Variants in SHROOM2 observed in about 807,000 individuals in gnomAD.
SHROOM2 encodes protein Shroom2.
A neutral mutation model predicts 75.9 loss-of-function variants in SHROOM2; 33 were observed. The observed-to-expected ratio is 0.43, with a 90% CI of 0.33 to 0.58. The LOEUF is 0.58. Ranked by LOEUF, SHROOM2 falls within the 20% of genes least tolerant of loss-of-function variation. The pLI, the probability that SHROOM2 is intolerant of heterozygous loss-of-function variation, is 0.04. For missense variants in SHROOM2, 1,434 were observed against 1,461.2 expected (o/e 0.98, Z 0.30); for synonymous variants, 655 against 663.6 (o/e 0.99, Z 0.20).
chrX:9,894,727 C>T lies in SHROOM2; in HGVS notation c.819C>T (p.Pro273=), dbSNP rs773462493. Residue 273 remains proline, a synonymous_variant, in exon 4 of 10, where the codon CCC becomes CCT. Coordinates refer to ENST00000380913, the MANE Select transcript of SHROOM2 (RefSeq NM_001649.4). ...EKLSCFPPRV[P]GDSGKGPRPE... Reference sequence around the variant, plus strand: ...TCAGTTGTTTCCCGCCCAGGGTCCCCGGTGACAGCGGCAAAGGCCCCAGGC... The same window carrying T: ...TCAGTTGTTTCCCGCCCAGGGTCCCTGGTGACAGCGGCAAAGGCCCCAGGC... 16 of 1,209,543 alleles carry T rather than the reference C, an allele frequency of 1.3e-5. No individual in the cohort carries two copies. The highest frequency in any genetic ancestry group is 8.9e-5 in the East Asian group (3 of 33,734).
At chrX:9,921,084 C>G (rs2084540195) in intron 5 of SHROOM2, among the ~76,000 whole-genome samples, 2 of 111,340 alleles carry the variant, frequency 1.8e-5, no homozygotes, top group African/African-American at 6.5e-5. Context: ...GGATCCGCTT[C>G]CAAGAGGGCA....
chrX:9,916,358 G>A (rs1287593972), intron 5 of SHROOM2, among the ~76,000 whole-genome samples: 2 of 112,367 alleles, frequency 1.8e-5, no homozygotes, highest in African/African-American at 6.5e-5. Flanking sequence ...TAACAACCCT[G>A]TAGCCATACT....
chrX:9,899,817 GTC>G (rs1250313577), intron 5 of SHROOM2, among the ~76,000 whole-genome samples: 1 of 112,643 alleles, frequency 8.9e-6, no homozygotes, highest in African/African-American at 3.2e-5. Context: ...ACCAGCTGCA[GTC>G]TGTTTTCCAA....
intron 5 of SHROOM2, among the ~76,000 whole-genome samples, 160 bp from the exon 6 acceptor site, chrX:9,932,015 C>T (rs927429156): frequency 9.0e-6 from 1 of 110,676 alleles, no homozygotes; most frequent in African/African-American, 3.3e-5. Context: ...CGACTCCCCA[C>T]CTTGCATGAG....
At chrX:9,922,542 C>A (rs2084555889) in intron 5 of SHROOM2, among the ~76,000 whole-genome samples, 1 of 110,182 alleles carries the variant, frequency 9.1e-6, no homozygotes, top group Non-Finnish European at 1.9e-5. Flanking sequence ...GCGGTTGACC[C>A]TTCATTCAGG....
chrX:9,867,613 C>G (rs2084147805), intron 1 of SHROOM2, among the ~76,000 whole-genome samples: 1 of 110,724 alleles, frequency 9.0e-6, no homozygotes, highest in Non-Finnish European at 1.9e-5. Context: ...CCTAAGGTGC[C>G]TAATTAAGCC....
intron 5 of SHROOM2, among the ~76,000 whole-genome samples, chrX:9,900,579 C>T (rs1008158078): frequency 8.9e-6 from 1 of 111,846 alleles, no homozygotes; most frequent in Non-Finnish European, 1.9e-5. Flanking sequence ...TGTTGTTGCT[C>T]ATGTGAACCA....
chrX:9,787,592 A>G (rs1486802829), intron 1 of SHROOM2, among the ~76,000 whole-genome samples: 1 of 112,363 alleles, frequency 8.9e-6, no homozygotes, highest in African/African-American at 3.2e-5. Context: ...GTTTGAAGAT[A>G]ATTTACTGGT....
At chrX:9,886,399 C>T (rs2084261206) in intron 2 of SHROOM2, among the ~76,000 whole-genome samples, 1 of 112,442 alleles carries the variant, frequency 8.9e-6, no homozygotes, top group Non-Finnish European at 1.9e-5. Context: ...CAGGGATGTC[C>T]CATAGCTATG....
Position 9,895,904 on chromosome X carries a change from G to T in SHROOM2, c.1996G>T (p.Gly666Trp), listed in dbSNP as rs61733859. The change falls in exon 4 of 10, where the codon GGG (glycine) becomes TGG (tryptophan). Residue 666 changes from glycine (G) to tryptophan (W), a missense_variant. By Grantham distance (184) the Gly-to-Trp change is radical. Coordinates refer to ENST00000380913, the MANE Select transcript of SHROOM2 (RefSeq NM_001649.4). ...GGATGGCACCGGCCGCTGGAGGGCC[G>T]GGTTGGGAGGTGGCACCCAGGAAGG... ...AEDGTGRWRAGLGGGTQEGPL... is the reference protein window; with the variant it reads ...AEDGTGRWRAWLGGGTQEGPL... The T allele has an allele frequency of 8.1e-4, 964 of 1,196,517 alleles. 5 individuals are homozygous for T. In the African/African-American group the frequency reaches 0.014, roughly 17 times the overall value.
chrX:9,895,528 A>G lies in SHROOM2; in HGVS notation c.1620A>G (p.Lys540=). The G allele has an allele frequency of 1.7e-6, 2 of 1,192,999 alleles. No homozygotes were observed. Among genetic ancestry groups the G allele is most frequent in the Non-Finnish European group, 2.3e-6 (2 of 887,046 alleles). The change falls in exon 4 of 10, where the codon AAA becomes AAG. Residue 540 remains lysine, a synonymous_variant. Coordinates refer to ENST00000380913, the MANE Select transcript of SHROOM2 (RefSeq NM_001649.4). The part of the protein sequence containing the change: ...RETGRCYPLD[K]GAEGCSAGAQ... ...CAGGACGGTGTTACCCGCTGGACAA[A>G]GGGGCCGAGGGCTGCTCCGCGGGAG...
intron 7 of SHROOM2, among the ~76,000 whole-genome samples, chrX:9,938,351 A>G (rs1256804437): frequency 9.0e-6 from 1 of 111,496 alleles, no homozygotes; most frequent in Non-Finnish European, 1.9e-5. Flanking sequence ...CATGAATTCA[A>G]TACCAGCCTG....
intron 5 of SHROOM2, among the ~76,000 whole-genome samples, chrX:9,905,194 C>A (rs1433950668): frequency 8.9e-6 from 1 of 111,802 alleles, no homozygotes; most frequent in African/African-American, 3.3e-5. Flanking sequence ...CTTAAGAGTC[C>A]CATAGATTCA....
intron 3 of SHROOM2, among the ~76,000 whole-genome samples, chrX:9,892,243 ACCT>A (rs1259541529): frequency 9.9e-6 from 1 of 100,877 alleles, no homozygotes; most frequent in Non-Finnish European, 2.0e-5. Flanking sequence ...ACAGAGCAAG[ACCT>A]CGTCTCTTAA....
intron 1 of SHROOM2, among the ~76,000 whole-genome samples, chrX:9,788,316 T>G (rs1055923754): frequency 4.5e-5 from 5 of 110,969 alleles, no homozygotes; most frequent in Non-Finnish European, 9.4e-5. Context: ...AATAGTTACA[T>G]ATTAGAGCCC....
chrX:9,838,057 G>GT (rs573554791), intron 1 of SHROOM2, among the ~76,000 whole-genome samples: 7,690 of 75,748 alleles, frequency 0.1, 860 homozygotes, highest in East Asian at 0.32. Context: ...TGTGTGTGTG[G>GT]TTTTTTTTTT....
chrX:9,809,679 C>CT (rs1157498740), intron 1 of SHROOM2, among the ~76,000 whole-genome samples: 3 of 112,101 alleles, frequency 2.7e-5, no homozygotes, highest in Non-Finnish European at 5.6e-5. Flanking sequence ...GTCAATAAAT[C>CT]TTTTTTTGAG....
chrX:9,817,120 C>T (rs5979183), intron 1 of SHROOM2, among the ~76,000 whole-genome samples: 81 of 110,020 alleles, frequency 7.4e-4, no homozygotes, highest in African/African-American at 2.5e-3. Flanking sequence ...TACAGGCACC[C>T]GTCACCCATG....
intron 3 of SHROOM2, among the ~76,000 whole-genome samples, chrX:9,891,718 TTGTG>T (rs992882297): frequency 3.6e-5 from 4 of 109,928 alleles, no homozygotes; most frequent in East Asian, 2.9e-4. Flanking sequence ...TTCTACACGT[TTGTG>T]TGTGTGTGTC....
Sources: gnomAD v4.1 joint callset for allele counts (sites outside exome capture counted in the v4.1 genomes callset) on GRCh38, gnomAD v4.1.1 for gene constraint, MANE v1.5 for transcripts, NCBI Gene and HGNC (gene_info 2026-07-23, HGNC 2026-07-21) for gene names.